Variants in SPATA45 observed in about 807,000 individuals in gnomAD.
SPATA45 encodes spermatogenesis associated 45.
SPATA45 carries 5 observed loss-of-function variants against 7.0 expected under a neutral mutation model. The ratio of observed to expected loss-of-function variants is 0.71; its 90% CI spans 0.37 to 1.50. SPATA45 has a LOEUF of 1.50. SPATA45 is among the 40% of genes most tolerant of loss of function. The probability of loss-of-function intolerance (pLI) is 0.03; values close to 1 mark genes in which losing one functional copy is unlikely to be tolerated. For synonymous variants in SPATA45, 40 were observed against 38.7 expected (o/e 1.03, Z -0.13); for missense variants, 111 against 114.9 (o/e 0.97, Z 0.16).
At chr1:212,836,240 T>C (rs1245927033) in intron 1 of SPATA45, 53 bp from the exon 2 acceptor site, 1 of 1,343,020 alleles carries the variant, frequency 7.4e-7, no homozygotes, top group African/African-American at 1.5e-5. Flanking sequence ...CAGAAGCCAG[T>C]ATTCACAATC....
At chr1:212,842,105 CG>C (rs1261125942) in intron 1 of SPATA45, among the ~76,000 whole-genome samples, 4 of 150,374 alleles carry the variant, frequency 2.7e-5, no homozygotes, top group African/African-American at 9.8e-5. Flanking sequence ...AGGCTGGGTG[CG>C]GTGGCTCATG....
chr1:212,833,344 C>G (rs578206990), intron 2 of SPATA45, among the ~76,000 whole-genome samples: 1 of 151,482 alleles, frequency 6.6e-6, no homozygotes, highest in Non-Finnish European at 1.5e-5. Context: ...GTTTTCCATT[C>G]CTGAGTCACT....
chr1:212,847,396 C>T (rs148316941), intron 1 of SPATA45, among the ~76,000 whole-genome samples, 184 bp downstream of exon 1: 3 of 152,114 alleles, frequency 2.0e-5, no homozygotes, highest in East Asian at 1.9e-4. Context: ...ATTGTAAAGT[C>T]GAAAAATTGT....
At chr1:212,844,409 C>T (rs954689741) in intron 1 of SPATA45, among the ~76,000 whole-genome samples, 1 of 152,150 alleles carries the variant, frequency 6.6e-6, no homozygotes, top group Non-Finnish European at 1.5e-5. Context: ...TTCAATCTGG[C>T]CTCCCACATT....
chr1:212,830,303 T>C (rs1274764657), intron 2 of SPATA45, 42 bp from the exon 3 acceptor site: 3 of 1,193,236 alleles, frequency 2.5e-6, no homozygotes, highest in African/African-American at 1.5e-5. Flanking sequence ...ATATAACTTA[T>C]AACACATTTC....
intron 2 of SPATA45, among the ~76,000 whole-genome samples, chr1:212,835,393 G>T (rs971451739): frequency 6.6e-6 from 1 of 151,442 alleles, no homozygotes; most frequent in Non-Finnish European, 1.5e-5. Context: ...AGACTTCGTG[G>T]TGCATGCCTG....
Position 212,838,331 on chromosome 1 carries a change from T to C in SPATA45, c.-38-2144A>G, listed in dbSNP as rs114193195. Among the ~76,000 whole-genome samples the C allele has an allele frequency of 2.8e-3, 415 of 150,108 alleles. 13 individuals are homozygous for C. Among genetic ancestry groups the C allele is most frequent in the Non-Finnish European group, 4.2e-3 (282 of 67,336 alleles). The stretch of plus-strand genomic sequence containing the variant: ...AAAAAAAAAAAAAATACATTCGTCA[T>C]CATCAGTCACTAGGAAAGTGTAAAT... On this transcript the variant is annotated intron_variant, in intron 1 of 2. Transcript: ENST00000332912.
chr1:212,840,936 TTC>T (rs1032775272), intron 1 of SPATA45, among the ~76,000 whole-genome samples: 2 of 151,588 alleles, frequency 1.3e-5, no homozygotes, highest in Non-Finnish European at 1.5e-5. Context: ...ACCTTTTAAA[TTC>T]TCTCTCTCTC....
rs1449591553 is a variant in SPATA45 at position 212,835,875 on chromosome 1, T to C, written c.275A>G (p.Lys92Arg). 3 of 1,581,330 alleles carry C rather than the reference T, an allele frequency of 1.9e-6. No homozygotes were observed. Among genetic ancestry groups the C allele is most frequent in the East Asian group, 2.2e-5 (1 of 44,692 alleles). Residue 92 changes from lysine to arginine, a missense_variant and splice_region_variant, in exon 2 of 3, where the codon AAA becomes AGA. By Grantham distance (26) the Lys-to-Arg change is conservative. Coordinates refer to ENST00000332912, the MANE Select transcript of SPATA45 (RefSeq NM_001024601.3). ...AHMERKHFPP[K>R]NNAIFG ...AAAATCCTATGATAACTTCTTACTT[T>C]TTGGTGGAAAGTGCTTTCTCTCCAT... is the stretch of plus-strand genomic sequence containing the variant.
chr1:212,838,582 A>G (rs1663628831), intron 1 of SPATA45, among the ~76,000 whole-genome samples: 1 of 151,826 alleles, frequency 6.6e-6, no homozygotes, highest in South Asian at 2.1e-4. Flanking sequence ...GAGCAATGAA[A>G]TTCTCCAAAC....
At chr1:212,835,419 G>A (rs1282208492) in intron 2 of SPATA45, among the ~76,000 whole-genome samples, 2 of 151,528 alleles carry the variant, frequency 1.3e-5, no homozygotes, top group East Asian at 1.9e-4. Flanking sequence ...CCAGCTACTC[G>A]AGAGGCTAAG....
At chr1:212,846,894 T>C (rs1663808313) in intron 1 of SPATA45, among the ~76,000 whole-genome samples, 1 of 152,138 alleles carries the variant, frequency 6.6e-6, no homozygotes, top group South Asian at 2.1e-4. Context: ...TCTTTTCTTT[T>C]TTTCTCTTTC....
intron 1 of SPATA45, among the ~76,000 whole-genome samples, chr1:212,840,578 G>A (rs1323488821): frequency 6.6e-6 from 1 of 151,180 alleles, no homozygotes; most frequent in East Asian, 2.0e-4. Flanking sequence ...GCACCACCAT[G>A]CCCAGCTACT....
At position 212,834,743 on chromosome 1, in the gene SPATA45, G is replaced by A. The variant is rs571487143; in HGVS notation, c.277+1130C>T. Among the ~76,000 whole-genome samples, 23 of 151,602 alleles carry A rather than the reference G, an allele frequency of 1.5e-4. 1 individual carries two copies. Among genetic ancestry groups the A allele is most frequent in the African/African-American group, 2.7e-4 (11 of 41,332 alleles). On this transcript the variant is annotated intron_variant, in intron 2 of 2. Transcript: ENST00000332912. ...TGGGACTGGAGGTGTGAGCCACCGC[G>A]CCCGGCCTCTCCACATTTTATTAGG...
At chr1:212,841,868 A>G (rs111755419) in intron 1 of SPATA45, among the ~76,000 whole-genome samples, 3,479 of 151,864 alleles carry the variant, frequency 0.023, 63 homozygotes, top group South Asian at 0.041. Context: ...AGAGGTTCTC[A>G]TGCTTCAGCC....
At chr1:212,833,412 A>T (rs1015749721) in intron 2 of SPATA45, among the ~76,000 whole-genome samples, 1 of 149,596 alleles carries the variant, frequency 6.7e-6, no homozygotes, top group Admixed American at 6.8e-5. Flanking sequence ...TAATCCCAGC[A>T]CTTTGGGAGG....
At chr1:212,838,601 A>G (rs1663628971) in intron 1 of SPATA45, among the ~76,000 whole-genome samples, 1 of 151,858 alleles carries the variant, frequency 6.6e-6, no homozygotes, top group Non-Finnish European at 1.5e-5. Context: ...ACACATGCAT[A>G]AAGAAATGTA....
Position 212,837,804 on chromosome 1 carries a change from AG to A in SPATA45, c.-38-1618del, listed in dbSNP as rs1483667023. Among the ~76,000 whole-genome samples the A allele has an allele frequency of 8.6e-5, 13 of 151,832 alleles. 2 individuals carry two copies. Among genetic ancestry groups the A allele is most frequent in the Admixed American group, 5.3e-4 (8 of 15,232 alleles). ...GTGTCAGAGCAAGATTTGGAAAGAT[AG>A]CGAAATATTCAGCACTGATAAATGA... On this transcript the variant is annotated intron_variant, in intron 1 of 2. Coordinates refer to ENST00000332912, the MANE Select transcript of SPATA45 (RefSeq NM_001024601.3).
At chr1:212,840,500 C>T (rs866664771) in intron 1 of SPATA45, among the ~76,000 whole-genome samples, 23 of 152,210 alleles carry the variant, frequency 1.5e-4, no homozygotes, top group African/African-American at 5.3e-4. Flanking sequence ...CTCTGTCGTC[C>T]AGGCTGGAGT....
Sources: gnomAD v4.1 joint callset for allele counts (sites outside exome capture counted in the v4.1 genomes callset) on GRCh38, gnomAD v4.1.1 for gene constraint, MANE v1.5 for transcripts, NCBI Gene and HGNC (gene_info 2026-07-23, HGNC 2026-07-21) for gene names.